Variants in SPRR2G observed in about 807,000 individuals in gnomAD.
The protein encoded by SPRR2G is small proline-rich protein 2G.
A neutral mutation model predicts 0.7 loss-of-function variants in SPRR2G; 1 was observed. That is an observed-to-expected ratio of 1.49 (90% confidence interval 0.53 to 7.06). SPRR2G has a LOEUF of 7.06. Ranked by LOEUF, SPRR2G falls within the 30% of genes most tolerant of loss-of-function variation. SPRR2G has a pLI of 0.14. For synonymous variants in SPRR2G, 38 were observed against 33.9 expected, an observed-to-expected ratio of 1.12 and a Z score of -0.42; for missense variants, 96 against 88.5, an observed-to-expected ratio of 1.09 and a Z score of -0.34.
chr1:153,175,237 G>C, the SPRR2G span, among the ~76,000 whole-genome samples: 1 of 152,222 alleles, frequency 6.6e-6, no homozygotes, highest in East Asian at 1.9e-4. Context: ...TCCCCTATAA[G>C]CTAAACACCA....
the SPRR2G span, among the ~76,000 whole-genome samples, chr1:153,196,283 T>C: frequency 6.6e-6 from 1 of 152,218 alleles, no homozygotes; most frequent in Non-Finnish European, 1.5e-5. Context: ...TGACTATTTT[T>C]AGATACTTGA....
chr1:153,160,555 C>T, the SPRR2G span, among the ~76,000 whole-genome samples: 18 of 152,336 alleles, frequency 1.2e-4, no homozygotes, highest in South Asian at 2.9e-3. Flanking sequence ...CTCATCAACA[C>T]TTGTTATCCT....
upstream of SPRR2G, among the ~76,000 whole-genome samples, chr1:153,151,359 A>T (rs1557933718): frequency 6.6e-6 from 1 of 151,994 alleles, no homozygotes; most frequent in East Asian, 1.9e-4. Context: ...TGGCCTATTG[A>T]TCCTTAGGCT....
the SPRR2G span, among the ~76,000 whole-genome samples, chr1:153,172,434 TC>T: frequency 6.6e-6 from 1 of 152,050 alleles, no homozygotes; most frequent in African/African-American, 2.4e-5. Context: ...CTTGCACACA[TC>T]CTTCCCCCAC....
At chr1:153,166,368 C>T in the SPRR2G span, among the ~76,000 whole-genome samples, 1 of 152,170 alleles carries the variant, frequency 6.6e-6, no homozygotes, top group East Asian at 1.9e-4. Flanking sequence ...ATGAGCCTCT[C>T]CTACATGGGC....
chr1:153,196,346 C>A, the SPRR2G span, among the ~76,000 whole-genome samples: 12 of 152,218 alleles, frequency 7.9e-5, no homozygotes, highest in African/African-American at 2.9e-4. Flanking sequence ...TATTTCACTG[C>A]ATAATGTCCT....
chr1:153,186,998 C>T, the SPRR2G span, among the ~76,000 whole-genome samples: 1 of 152,156 alleles, frequency 6.6e-6, no homozygotes, highest in African/African-American at 2.4e-5. Flanking sequence ...GTTGAAAATT[C>T]TTTTCTTTAG....
the SPRR2G span, among the ~76,000 whole-genome samples, chr1:153,163,879 T>C: frequency 0.074 from 11,320 of 152,214 alleles, 707 homozygotes; most frequent in African/African-American, 0.17. Context: ...ACCTTGCTGC[T>C]CTTCTGGAGG....
chr1:153,162,399 T>A, the SPRR2G span, among the ~76,000 whole-genome samples: 1 of 152,028 alleles, frequency 6.6e-6, no homozygotes, highest in African/African-American at 2.4e-5. Context: ...CAGGAATGCA[T>A]GTCCTCTGTT....
At chr1:153,203,065 A>G in the SPRR2G span, among the ~76,000 whole-genome samples, 1 of 152,220 alleles carries the variant, frequency 6.6e-6, no homozygotes, top group Admixed American at 6.5e-5. Flanking sequence ...GCAGTGATCA[A>G]TTCAGGGTTG....
At chr1:153,198,671 C>A in the SPRR2G span, among the ~76,000 whole-genome samples, 1 of 151,850 alleles carries the variant, frequency 6.6e-6, no homozygotes, top group Non-Finnish European at 1.5e-5. Flanking sequence ...AGAGTCGGAG[C>A]GCATAAGAGG....
At chr1:153,196,159 G>T in the SPRR2G span, among the ~76,000 whole-genome samples, 6 of 152,318 alleles carry the variant, frequency 3.9e-5, no homozygotes, top group Admixed American at 1.3e-4. Context: ...TTCTTCAGCA[G>T]ATCTCTAGAG....
At chr1:153,170,564 G>T in the SPRR2G span, among the ~76,000 whole-genome samples, 2 of 152,122 alleles carry the variant, frequency 1.3e-5, no homozygotes, top group Non-Finnish European at 1.5e-5. Context: ...ATCAACTCCA[G>T]AAGACTACTG....
upstream of SPRR2G, among the ~76,000 whole-genome samples, chr1:153,155,243 T>C (rs1487462274): frequency 2.0e-5 from 3 of 152,140 alleles, no homozygotes; most frequent in Non-Finnish European, 4.4e-5. Context: ...CCTCTAGATA[T>C]CTCTGTCCAA....
the SPRR2G span, among the ~76,000 whole-genome samples, chr1:153,192,173 C>T: frequency 5.3e-5 from 8 of 152,264 alleles, no homozygotes; most frequent in East Asian, 1.5e-3. Context: ...GAATGTATGT[C>T]TTCATAAGGG....
the SPRR2G span, among the ~76,000 whole-genome samples, chr1:153,168,232 A>G: frequency 1.3e-5 from 2 of 152,188 alleles, no homozygotes; most frequent in African/African-American, 4.8e-5. Context: ...CCTAGACCAA[A>G]GGCTCAATGC....
At chr1:153,169,724 G>A in the SPRR2G span, among the ~76,000 whole-genome samples, 804 of 152,218 alleles carry the variant, frequency 5.3e-3, 11 homozygotes, top group Middle Eastern at 0.02. Context: ...ACAACCCAGG[G>A]CATGAAGCTC....
At chr1:153,168,336 A>C in the SPRR2G span, among the ~76,000 whole-genome samples, 1 of 152,222 alleles carries the variant, frequency 6.6e-6, no homozygotes, top group African/African-American at 2.4e-5. Context: ...CTTTCACTGA[A>C]TCTTACATCA....
the SPRR2G span, among the ~76,000 whole-genome samples, chr1:153,195,498 G>A: frequency 1.2e-4 from 19 of 152,132 alleles, no homozygotes; most frequent in Non-Finnish European, 1.5e-5. Context: ...TACTGCCACT[G>A]CTGGCTCAAG....
Sources: gnomAD v4.1 joint callset for allele counts (sites outside exome capture counted in the v4.1 genomes callset) on GRCh38, gnomAD v4.1.1 for gene constraint, MANE v1.5 for transcripts, NCBI Gene and HGNC (gene_info 2026-07-23, HGNC 2026-07-21) for gene names.